Variants in MCF2L2 observed in about 807,000 individuals in gnomAD.
The protein encoded by MCF2L2 is MCF.2 cell line derived transforming sequence-like 2, also known as probable guanine nucleotide exchange factor MCF2L2.
In MCF2L2, 102 loss-of-function variants were observed where a neutral mutation model predicts 150.2. That is an observed-to-expected ratio of 0.68 (90% confidence interval 0.58 to 0.80). MCF2L2 has a LOEUF of 0.80. MCF2L2 is among the 30% of genes least tolerant of loss of function. The pLI, the probability that MCF2L2 is intolerant of heterozygous loss-of-function variation, is 0.00. For synonymous variants in MCF2L2, 465 were observed against 491.3 expected, an observed-to-expected ratio of 0.95 and a Z score of 0.71; for missense variants, 1,256 against 1,372.8, an observed-to-expected ratio of 0.91 and a Z score of 1.34.
rs746677853 is a variant in MCF2L2, at chr3:183,311,060, G to A, written c.879-31C>T. On this transcript the variant is annotated intron_variant, in intron 8 of 29. Transcript: ENST00000328913. ...AAGAAAGAATGAGAAAGTGATGTTA[G>A]GTTAGCATTCATTTCCACAGGCATC... is the stretch of plus-strand genomic sequence containing the variant. 1.1e-5 allele frequency: 16 copies of A among 1,412,534 alleles called. No homozygotes were observed. In the Admixed American group the frequency reaches 1.5e-4, roughly 13 times the overall value. 87.5% of individuals were successfully genotyped at this position (1,412,534 alleles called of 1,614,324 possible).
At chr3:183,242,259 C>T (rs1014636486) in intron 15 of MCF2L2, among the ~76,000 whole-genome samples, 2 of 152,212 alleles carry the variant, frequency 1.3e-5, no homozygotes, top group Non-Finnish European at 2.9e-5. Flanking sequence ...AAATTCAAGC[C>T]TGCTGCAGAC....
At chr3:183,185,908 T>G (rs1721675669) in intron 27 of MCF2L2, among the ~76,000 whole-genome samples, 1 of 152,194 alleles carries the variant, frequency 6.6e-6, no homozygotes, top group South Asian at 2.1e-4. Context: ...AGGGCACATT[T>G]TTTTTTTCCC....
At chr3:183,259,431 C>A (rs1180387350) in intron 15 of MCF2L2, among the ~76,000 whole-genome samples, 2 of 152,140 alleles carry the variant, frequency 1.3e-5, no homozygotes, top group Non-Finnish European at 2.9e-5. Flanking sequence ...ATTTTTTATT[C>A]ATCTACCTTA....
intron 3 of MCF2L2, among the ~76,000 whole-genome samples, chr3:183,347,733 G>A (rs1730956949): frequency 1.3e-5 from 2 of 152,146 alleles, no homozygotes; most frequent in Admixed American, 1.3e-4. Context: ...ATCAAAAAGT[G>A]GGTGAAGGAT....
At chr3:183,211,514 C>T (rs554871730) in intron 22 of MCF2L2, among the ~76,000 whole-genome samples, 3 of 152,358 alleles carry the variant, frequency 2.0e-5, no homozygotes, top group South Asian at 4.1e-4. Context: ...ACATGCCCTA[C>T]ACGGTGCTGA....
intron 1 of MCF2L2, 45 bp from the exon 2 acceptor site, chr3:183,389,824 T>A: frequency 6.9e-7 from 1 of 1,458,440 alleles, no homozygotes; most frequent in South Asian, 1.1e-5. Flanking sequence ...CATGTGCAAA[T>A]TACAAGAAGA....
At chr3:183,400,489 C>T (rs766675324) in intron 1 of MCF2L2, 11 of 456,474 alleles carry the variant, frequency 2.4e-5, no homozygotes, top group Middle Eastern at 3.3e-4. Flanking sequence ...CACCAGACCA[C>T]GACTGGATTC....
chr3:183,178,282 C>A lies in MCF2L2; in HGVS notation c.*1098G>T, dbSNP rs113717032. On this transcript the variant is annotated 3_prime_UTR_variant, in exon 30 of 30. Coordinates refer to ENST00000328913, the MANE Select transcript of MCF2L2 (RefSeq NM_015078.4). Reference sequence around the variant, plus strand: ...GAGATCGAGACCATCCTGGCTAACACGGGGAAACCCCGTCTCTACTAAAAA... The same window carrying A: ...GAGATCGAGACCATCCTGGCTAACAAGGGGAAACCCCGTCTCTACTAAAAA... 6.6e-6 allele frequency: 1 copy of A among 152,144 alleles called. No homozygotes were observed. The highest frequency in any genetic ancestry group is 1.5e-5 in the Non-Finnish European group (1 of 68,066). The allele number at this position is 152,144 out of a possible 1,614,324, so 9.4% of individuals were successfully genotyped here.
In MCF2L2 at chr3:183,361,159, GGGAA is replaced by G. The variant is rs761047598; in HGVS notation, c.275+18134_275+18137del. Among the ~76,000 whole-genome samples, 4 of 123,026 alleles carry G rather than the reference GGGAA, an allele frequency of 3.3e-5. No homozygotes were observed. In the East Asian group the frequency reaches 7.9e-4, roughly 24 times the overall value. The allele number at this position is 123,026 out of a possible 152,430, so 80.7% of individuals were successfully genotyped here. A position where few individuals can be genotyped will look rare whatever the true frequency, so the allele number is the denominator to read the frequency against. ...GGAAAAGAGACAGGAAGAGAGCGAA[GGGAA>G]GGAAGGAAGGAAAGAAGGAAGGAAG... is the stretch of plus-strand genomic sequence containing the variant. On this transcript the variant is annotated intron_variant, in intron 3 of 29. Coordinates refer to ENST00000328913, the MANE Select transcript of MCF2L2 (RefSeq NM_015078.4).
chr3:183,252,801 ACAG>A (rs1176633705), intron 15 of MCF2L2, among the ~76,000 whole-genome samples: 1 of 152,226 alleles, frequency 6.6e-6, no homozygotes, highest in Admixed American at 6.5e-5. Context: ...ATGTACAATA[ACAG>A]AATCGCTCAA....
chr3:183,228,399 T>C (rs1053597120), intron 17 of MCF2L2, 33 bp from the exon 18 acceptor site: 6 of 1,468,694 alleles, frequency 4.1e-6, no homozygotes, highest in Non-Finnish European at 5.7e-6. Flanking sequence ...GTAATAATGT[T>C]TTGATTTTGA....
intron 2 of MCF2L2, among the ~76,000 whole-genome samples, chr3:183,382,001 A>C (rs1484994829): frequency 6.6e-6 from 1 of 152,120 alleles, no homozygotes; most frequent in Non-Finnish European, 1.5e-5. Context: ...AAGGAACTGA[A>C]ATACCCTAAA....
intron 10 of MCF2L2, among the ~76,000 whole-genome samples, chr3:183,309,511 G>A (rs186805812): frequency 8.5e-5 from 13 of 152,180 alleles, no homozygotes; most frequent in Admixed American, 5.9e-4. Context: ...TGTATGTTCC[G>A]GCAGCTTTAA....
In MCF2L2 at chr3:183,276,940, T is replaced by G. The variant is rs1560397674; in HGVS notation, c.1794A>C (p.Glu598Asp). ...CAGGGTTCCCCCTTTCATGATGGCT[T>G]TCAAAGATTTCTTCACTCTGAAGTG... ...KFEVKSEEIFESHHERGNPEL... is the reference protein window; with the variant it reads ...KFEVKSEEIFDSHHERGNPEL... The change falls in exon 15 of 30, where the codon GAA (glutamate) becomes GAC (aspartate). Residue 598 changes from glutamate to aspartate, a missense_variant. Physicochemically the swap from Glu to Asp is conservative, Grantham distance 45. Coordinates refer to ENST00000328913, the MANE Select transcript of MCF2L2 (RefSeq NM_015078.4). The G allele has an allele frequency of 6.2e-7, 1 of 1,607,930 alleles. No individual in the cohort carries two copies. The highest frequency in any genetic ancestry group is 8.5e-7 in the Non-Finnish European group (1 of 1,176,644).
chr3:183,362,949 A>G (rs115237989), intron 3 of MCF2L2, among the ~76,000 whole-genome samples: 4,246 of 152,334 alleles, frequency 0.028, 182 homozygotes, highest in African/African-American at 0.095. Flanking sequence ...AAACTCAACA[A>G]TAAGAAAATG....
intron 1 of MCF2L2, among the ~76,000 whole-genome samples, chr3:183,403,401 C>A (rs1222483909): frequency 3.3e-5 from 5 of 152,194 alleles, no homozygotes; most frequent in African/African-American, 1.2e-4. Flanking sequence ...TTGTATTATC[C>A]GTGCTAGCAG....
chr3:183,296,797 A>T, intron 12 of MCF2L2, 179 bp downstream of exon 12: 1 of 593,442 alleles, frequency 1.7e-6, no homozygotes, highest in East Asian at 2.8e-5. Context: ...ACGAAGACTC[A>T]GTATGCCAGG....
rs150609425 is a variant in MCF2L2, at chr3:183,260,544, A to C, written c.1862+16328T>G. Among the ~76,000 whole-genome samples, 641 of 152,272 alleles carry C rather than the reference A, an allele frequency of 4.2e-3. 17 individuals carry two copies. In the South Asian group the frequency reaches 0.059, roughly 14 times the overall value. ...TGCATAATCAAACTGGTTACTGGGA[A>C]TTATTGAGTTCATATAACTTCCCTA... On this transcript the variant is annotated intron_variant, in intron 15 of 29. Coordinates refer to ENST00000328913, the MANE Select transcript of MCF2L2 (RefSeq NM_015078.4).
chr3:183,403,329 G>A (rs1560060236), intron 1 of MCF2L2, among the ~76,000 whole-genome samples: 1 of 152,188 alleles, frequency 6.6e-6, no homozygotes, highest in Non-Finnish European at 1.5e-5. Context: ...AAGAGTCTTA[G>A]CGCTCACCGT....
Sources: allele counts gnomAD v4.1 joint callset (sites outside exome capture counted in the v4.1 genomes callset), GRCh38; gene constraint gnomAD v4.1.1; transcripts MANE v1.5; gene names NCBI Gene and HGNC (gene_info 2026-07-23, HGNC 2026-07-21).